STK39: variants seen among roughly 807,000 people sequenced by gnomAD.
STK39 encodes the protein serine/threonine kinase 39.
A neutral mutation model predicts 77.8 loss-of-function variants in STK39; 20 were observed. The ratio of observed to expected loss-of-function variants is 0.26; its 90% CI spans 0.18 to 0.37. The LOEUF is 0.37. Ranked by LOEUF, STK39 falls within the 10% of genes least tolerant of loss-of-function variation. The pLI is 1.00. For synonymous variants in STK39, 246 were observed against 234.1 expected (o/e 1.05, Z -0.47); for missense variants, 479 against 656.5 (o/e 0.73, Z 2.95).
chr2:168,046,916 C>A (rs1380488213), intron 14 of STK39, among the ~76,000 whole-genome samples: 1 of 151,996 alleles, frequency 6.6e-6, no homozygotes, highest in East Asian at 1.9e-4. Context: ...GAAGATCTGA[C>A]AACTCTTTAA....
chr2:168,054,047 T>C (rs1313896329), intron 14 of STK39, among the ~76,000 whole-genome samples: 1 of 152,260 alleles, frequency 6.6e-6, no homozygotes, highest in Non-Finnish European at 1.5e-5. Flanking sequence ...GCAGCATCTT[T>C]AGCATCTCCT....
intron 14 of STK39, among the ~76,000 whole-genome samples, chr2:168,055,600 A>G (rs1685503328): frequency 6.6e-6 from 1 of 152,250 alleles, no homozygotes; most frequent in African/African-American, 2.4e-5. Flanking sequence ...ATACCAGACC[A>G]GCATATCTAT....
intron 10 of STK39, among the ~76,000 whole-genome samples, chr2:168,103,476 C>T (rs181174195): frequency 5.5e-4 from 83 of 152,232 alleles, no homozygotes; most frequent in African/African-American, 1.9e-3. Context: ...AAAACATTGC[C>T]CTTCTTTGTA....
chr2:168,104,001 T>C (rs1234312792), intron 10 of STK39, among the ~76,000 whole-genome samples: 2 of 152,214 alleles, frequency 1.3e-5, no homozygotes, highest in Non-Finnish European at 2.9e-5. Context: ...AGCTACCATA[T>C]AGCCATTAAG....
intron 14 of STK39, among the ~76,000 whole-genome samples, chr2:168,027,575 C>CATGTACACATACACATGT (rs1301895237): frequency 5.3e-5 from 8 of 152,198 alleles, no homozygotes; most frequent in Non-Finnish European, 8.8e-5. Flanking sequence ...TACATACATG[C>CATGTACACATACACATGT]ATGTACACAT....
chr2:167,994,469 CTT>C (rs1020014735), intron 16 of STK39, among the ~76,000 whole-genome samples: 2 of 152,134 alleles, frequency 1.3e-5, no homozygotes, highest in African/African-American at 4.8e-5. Context: ...AAAATCAACT[CTT>C]TTAAGTGAAC....
intron 1 of STK39, among the ~76,000 whole-genome samples, chr2:168,246,598 GC>G (rs1690910446): frequency 3.3e-5 from 5 of 152,216 alleles, no homozygotes; most frequent in Admixed American, 3.3e-4. Context: ...ACCCGGGCGC[GC>G]CGAGTGGCGC....
At chr2:168,210,311 T>C (rs937628402) in intron 1 of STK39, among the ~76,000 whole-genome samples, 1 of 152,218 alleles carries the variant, frequency 6.6e-6, no homozygotes, top group Non-Finnish European at 1.5e-5. Context: ...ATATCAAAAG[T>C]TCACCTCAAA....
intron 14 of STK39, among the ~76,000 whole-genome samples, chr2:168,018,533 G>GA (rs758619683): frequency 1.4e-5 from 1 of 70,548 alleles, no homozygotes; most frequent in South Asian, 4.7e-4. Flanking sequence ...AGAAAGAAAA[G>GA]AAAGAAAAGA....
chr2:168,064,573 T>G (rs913407958), intron 13 of STK39, among the ~76,000 whole-genome samples: 3 of 152,206 alleles, frequency 2.0e-5, no homozygotes, highest in Non-Finnish European at 4.4e-5. Flanking sequence ...TCACTCTAAT[T>G]ATCTCTCCAA....
At chr2:167,980,617 A>AT (rs1683389874) in intron 16 of STK39, among the ~76,000 whole-genome samples, 2 of 152,198 alleles carry the variant, frequency 1.3e-5, no homozygotes, top group South Asian at 4.1e-4. Flanking sequence ...AGCCCAGCAC[A>AT]CGGTGGCAGT....
chr2:168,182,203 G>A, intron 1 of STK39, 113 bp from the exon 2 acceptor site: 6 of 682,008 alleles, frequency 8.8e-6, no homozygotes, highest in Admixed American at 2.8e-5. Flanking sequence ...AGCGTATTCA[G>A]AACATTACCA....
At chr2:167,958,340 G>A (rs903874900) in intron 17 of STK39, among the ~76,000 whole-genome samples, 5 of 151,140 alleles carry the variant, frequency 3.3e-5, no homozygotes, top group African/African-American at 7.3e-5. Context: ...ACATAAAATA[G>A]GTTTACATAA....
At chr2:168,031,389 A>G (rs1324838338) in intron 14 of STK39, among the ~76,000 whole-genome samples, 1 of 152,136 alleles carries the variant, frequency 6.6e-6, no homozygotes, top group African/African-American at 2.4e-5. Context: ...CTTAAGCCCC[A>G]CTGCTGTTCT....
chr2:168,204,239 T>C (rs1438456989), intron 1 of STK39, among the ~76,000 whole-genome samples: 1 of 152,160 alleles, frequency 6.6e-6, no homozygotes, highest in Non-Finnish European at 1.5e-5. Context: ...TCACCCTACC[T>C]TGCCGCACCC....
intron 14 of STK39, among the ~76,000 whole-genome samples, chr2:168,033,777 T>C (rs557310504): frequency 9.2e-5 from 14 of 152,310 alleles, no homozygotes; most frequent in African/African-American, 2.9e-4. Context: ...GATAACATTC[T>C]GGAGTTTAAA....
At chr2:168,120,223 T>C (rs984489007) in intron 10 of STK39, among the ~76,000 whole-genome samples, 3 of 152,218 alleles carry the variant, frequency 2.0e-5, no homozygotes, top group Non-Finnish European at 2.9e-5. Context: ...ACTTTACTGA[T>C]TGTTGTATGG....
chr2:168,174,227 TA>T (rs11341024), intron 2 of STK39, among the ~76,000 whole-genome samples: 39,835 of 152,058 alleles, frequency 0.26, 5,857 homozygotes, highest in East Asian at 0.56. Flanking sequence ...GAAGCAGTTA[TA>T]AAAAGTGTAA....
chr2:168,117,174 T>C (rs745644020), intron 10 of STK39, among the ~76,000 whole-genome samples: 2 of 152,226 alleles, frequency 1.3e-5, no homozygotes, highest in Non-Finnish European at 2.9e-5. Context: ...TCTCAACAAG[T>C]TGGTGCTAAC....
Sources: gnomAD v4.1 joint callset for allele counts (sites outside exome capture counted in the v4.1 genomes callset) on GRCh38, gnomAD v4.1.1 for gene constraint, MANE v1.5 for transcripts, NCBI Gene and HGNC (gene_info 2026-07-23, HGNC 2026-07-21) for gene names.